The following GXYLT1 variants were observed in gnomAD, a reference collection of about 807,000 sequenced individuals.
GXYLT1 encodes the protein glucoside xylosyltransferase 1.
In GXYLT1, 29 loss-of-function variants were observed where a neutral mutation model predicts 54.0. That is an observed-to-expected ratio of 0.54 (90% CI 0.40 to 0.73). The LOEUF is 0.73. Ranked by LOEUF, GXYLT1 falls within the 30% of genes least tolerant of loss-of-function variation. GXYLT1 has a pLI of 0.00. For missense variants in GXYLT1, 490 were observed against 553.4 expected, an observed-to-expected ratio of 0.89 and a Z score of 1.15; for synonymous variants, 176 against 204.1, an observed-to-expected ratio of 0.86 and a Z score of 1.17.
rs149857008 is a variant in GXYLT1 at position 42,121,310 on chromosome 12, G to A, written c.315-2139C>T. 3.3e-4 allele frequency among the ~76,000 whole-genome samples: 51 copies of A among 152,298 alleles called. 1 individual carries two copies. The East Asian group carries it at 8.9e-3, about 27-fold the overall frequency. On this transcript the variant is annotated intron_variant, in intron 2 of 7. Coordinates refer to ENST00000398675, the MANE Select transcript of GXYLT1 (RefSeq NM_173601.2). Reference sequence around the variant, plus strand: ...TTGTAGAGCATCAGCTATATACACAGACAAGAAGTATATTAAACCTAAAGA... The same window carrying A: ...TTGTAGAGCATCAGCTATATACACAAACAAGAAGTATATTAAACCTAAAGA...
chr12:42,141,810 C>G (rs1183398676), intron 1 of GXYLT1, among the ~76,000 whole-genome samples: 1 of 152,164 alleles, frequency 6.6e-6, no homozygotes, highest in Non-Finnish European at 1.5e-5. Flanking sequence ...GTTTATCTGA[C>G]TACAAGACCC....
chr12:42,120,037 A>T (rs1248818479), intron 2 of GXYLT1, among the ~76,000 whole-genome samples: 1 of 152,184 alleles, frequency 6.6e-6, no homozygotes, highest in Non-Finnish European at 1.5e-5. Context: ...TACTCACATT[A>T]GATGCCTTAG....
intron 1 of GXYLT1, among the ~76,000 whole-genome samples, chr12:42,139,534 C>A (rs544301653): frequency 6.6e-6 from 1 of 152,084 alleles, no homozygotes; most frequent in Non-Finnish European, 1.5e-5. Context: ...AGGGAGAAGG[C>A]GCCATCTATG....
chr12:42,118,904 T>C (rs2065512763), intron 3 of GXYLT1, 96 bp downstream of exon 3: 1 of 902,238 alleles, frequency 1.1e-6, no homozygotes, highest in Non-Finnish European at 1.6e-6. Flanking sequence ...AGGTAGTTAT[T>C]TCTAGCAATG....
At chr12:42,104,804 A>G (rs1271465882) in intron 5 of GXYLT1, among the ~76,000 whole-genome samples, 2 of 152,248 alleles carry the variant, frequency 1.3e-5, no homozygotes, top group East Asian at 3.8e-4. Context: ...ATATAAATGT[A>G]CACATATATC....
At chr12:42,113,388 T>A (rs1422132723) in intron 3 of GXYLT1, among the ~76,000 whole-genome samples, 1 of 150,706 alleles carries the variant, frequency 6.6e-6, no homozygotes, top group East Asian at 1.9e-4. Context: ...AGGAAACCCA[T>A]CTCACGGGCA....
chr12:42,138,399 T>C lies in GXYLT1; in HGVS notation c.221+6027A>G, dbSNP rs140053445. Among the ~76,000 whole-genome samples the C allele has an allele frequency of 2.9e-3, 437 of 152,304 alleles. 2 individuals are homozygous for C. Among genetic ancestry groups the C allele is most frequent in the African/African-American group, 9.3e-3 (388 of 41,560 alleles). The stretch of plus-strand genomic sequence containing the variant: ...TCTAATTTCATTAATCCTTGGCAAG[T>C]AGGAAAAGGACTGCTTATATATAAA... On this transcript the variant is annotated intron_variant, in intron 1 of 7. Coordinates refer to ENST00000398675, the MANE Select transcript of GXYLT1 (RefSeq NM_173601.2).
intron 2 of GXYLT1, among the ~76,000 whole-genome samples, chr12:42,125,993 C>T (rs1040712261): frequency 6.6e-6 from 1 of 151,822 alleles, no homozygotes; most frequent in East Asian, 1.9e-4. Flanking sequence ...TGCTACTGCA[C>T]GCCAGCCTGG....
intron 1 of GXYLT1, among the ~76,000 whole-genome samples, chr12:42,132,814 G>A (rs1019174083): frequency 7.2e-5 from 11 of 151,744 alleles, no homozygotes; most frequent in African/African-American, 1.2e-4. Context: ...GCAAGATGAC[G>A]AAGCCACAGA....
chr12:42,084,536 A>G lies in GXYLT1; in HGVS notation c.*3250T>C, dbSNP rs769100504. ...CACGCAAAATGCTTCCAAATCCATT[A>G]TCTCTTCTGAGTTTCATCTTGTGAG... On this transcript the variant is annotated 3_prime_UTR_variant, in exon 8 of 8. Transcript: ENST00000398675. The G allele has an allele frequency of 2.6e-5, 4 of 152,454 alleles. No individual in the cohort carries two copies. Among genetic ancestry groups the G allele is most frequent in the Non-Finnish European group, 5.9e-5 (4 of 68,178 alleles). The allele number at this position is 152,454 out of a possible 1,614,324, so 9.4% of individuals were successfully genotyped here.
At chr12:42,102,863 A>C (rs1196808253) in intron 5 of GXYLT1, among the ~76,000 whole-genome samples, 1 of 152,022 alleles carries the variant, frequency 6.6e-6, no homozygotes, top group Non-Finnish European at 1.5e-5. Context: ...GAGATTAAAA[A>C]TTATGATTTT....
chr12:42,131,505 T>C (rs1019762460), intron 1 of GXYLT1, among the ~76,000 whole-genome samples: 1 of 152,216 alleles, frequency 6.6e-6, no homozygotes, highest in African/African-American at 2.4e-5. Context: ...TAAGTAATTG[T>C]GTATACTACT....
Position 42,084,038 on chromosome 12 carries a change from G to A in GXYLT1, c.*3748C>T, listed in dbSNP as rs1158548149. 1 of 152,042 alleles carries A rather than the reference G, an allele frequency of 6.6e-6. No individual in the cohort carries two copies. The highest frequency in any genetic ancestry group is 1.5e-5 in the Non-Finnish European group (1 of 68,014). 9.4% of individuals were successfully genotyped at this position (152,042 alleles called of 1,614,324 possible). A position where few individuals can be genotyped will look rare whatever the true frequency, so the allele number is the denominator to read the frequency against. The stretch of plus-strand genomic sequence containing the variant: ...AAATGATCAGTGAGTAGGGTGATTG[G>A]GAAACAACTCTAGTACTAACAAACC... On this transcript the variant is annotated 3_prime_UTR_variant, in exon 8 of 8. Coordinates refer to ENST00000398675, the MANE Select transcript of GXYLT1 (RefSeq NM_173601.2).
At chr12:42,109,088 T>C (rs1190201597) in intron 4 of GXYLT1, among the ~76,000 whole-genome samples, 3 of 152,232 alleles carry the variant, frequency 2.0e-5, no homozygotes, top group Non-Finnish European at 4.4e-5. Flanking sequence ...TGAGTTCATA[T>C]GCCTTAAATT....
At chr12:42,102,852 TGA>T (rs1415357984) in intron 5 of GXYLT1, among the ~76,000 whole-genome samples, 3 of 152,028 alleles carry the variant, frequency 2.0e-5, no homozygotes, top group Non-Finnish European at 4.4e-5. Flanking sequence ...TATACAATTA[TGA>T]GATTAAAAAT....
At chr12:42,105,503 T>G (rs1592107967) in intron 5 of GXYLT1, among the ~76,000 whole-genome samples, 1 of 152,222 alleles carries the variant, frequency 6.6e-6, no homozygotes, top group African/African-American at 2.4e-5. Context: ...CTATGTATTC[T>G]ATGAATGTAC....
At chr12:42,118,753 C>T (rs1453878546) in intron 3 of GXYLT1, among the ~76,000 whole-genome samples, 1 of 152,152 alleles carries the variant, frequency 6.6e-6, no homozygotes. Context: ...TCTTCTTTCT[C>T]TTTCTCTCTC....
intron 1 of GXYLT1, 81 bp from the exon 2 acceptor site, chr12:42,129,932 T>C (rs940120420): frequency 1.3e-5 from 11 of 819,340 alleles, no homozygotes; most frequent in Non-Finnish European, 2.1e-5. Flanking sequence ...AGTAACACGA[T>C]AACTTACTGT....
chr12:42,101,191 T>G (rs912446572), intron 5 of GXYLT1, among the ~76,000 whole-genome samples: 1 of 152,018 alleles, frequency 6.6e-6, no homozygotes, highest in African/African-American at 2.4e-5. Context: ...AAAGAGGTAT[T>G]ACATATAAAA....
Sources: allele counts gnomAD v4.1 joint callset (sites outside exome capture counted in the v4.1 genomes callset), GRCh38; gene constraint gnomAD v4.1.1; transcripts MANE v1.5; gene names NCBI Gene and HGNC (gene_info 2026-07-23, HGNC 2026-07-21).